NPAS2: variants seen among roughly 807,000 people sequenced by gnomAD.
The protein encoded by NPAS2 is neuronal PAS domain-containing protein 2.
Under a neutral mutation model 107.5 loss-of-function variants are expected in NPAS2, and 23 were observed. That is an observed-to-expected ratio of 0.21 (90% CI 0.15 to 0.30). NPAS2 has a LOEUF of 0.30. Among genes scored for constraint, NPAS2 ranks in the 10% least tolerant of loss-of-function variants. The pLI is 1.00. For synonymous variants in NPAS2, 403 were observed against 417.5 expected, an observed-to-expected ratio of 0.97 and a Z score of 0.42; for missense variants, 756 against 1,043.3, an observed-to-expected ratio of 0.72 and a Z score of 3.79.
intron 4 of NPAS2, among the ~76,000 whole-genome samples, chr2:100,933,719 G>A (rs13025524): frequency 0.29 from 43,570 of 152,126 alleles, 6,319 homozygotes; most frequent in Middle Eastern, 0.36. Context: ...AACTGCCAAC[G>A]TGCTGTGGCT....
chr2:100,929,768 G>T (rs1683820956), intron 3 of NPAS2, among the ~76,000 whole-genome samples: 1 of 152,156 alleles, frequency 6.6e-6, no homozygotes, highest in African/African-American at 2.4e-5. Flanking sequence ...GCATTTTTAA[G>T]GCCCCCAGGT....
At chr2:100,866,287 G>C (rs781773814) in intron 1 of NPAS2, among the ~76,000 whole-genome samples, 1 of 152,210 alleles carries the variant, frequency 6.6e-6, no homozygotes, top group Non-Finnish European at 1.5e-5. Context: ...GGCGACTCAT[G>C]AGTCATTTGT....
intron 1 of NPAS2, among the ~76,000 whole-genome samples, chr2:100,873,772 G>A (rs1679773607): frequency 2.0e-5 from 3 of 152,152 alleles, no homozygotes; most frequent in African/African-American, 4.8e-5. Flanking sequence ...CTGCACAGGT[G>A]TAATGGATGC....
intron 1 of NPAS2, among the ~76,000 whole-genome samples, chr2:100,828,923 T>G (rs1676554735): frequency 6.6e-6 from 1 of 152,202 alleles, no homozygotes; most frequent in Admixed American, 6.5e-5. Context: ...TTTTTTCTAG[T>G]TCTGTGAAAA....
chr2:100,964,456 C>T (rs1031120728), intron 8 of NPAS2, among the ~76,000 whole-genome samples: 4 of 152,252 alleles, frequency 2.6e-5, no homozygotes, highest in Non-Finnish European at 5.9e-5. Flanking sequence ...GGCGTTAATA[C>T]CATGCAGGCC....
At chr2:100,992,041 G>T (rs564718981) in intron 19 of NPAS2, among the ~76,000 whole-genome samples, 20 of 152,328 alleles carry the variant, frequency 1.3e-4, no homozygotes, top group South Asian at 2.1e-4. Context: ...GTAAAGTTCC[G>T]TTCATGTCTA....
At chr2:100,900,528 T>C (rs1283251192) in intron 1 of NPAS2, among the ~76,000 whole-genome samples, 1 of 152,190 alleles carries the variant, frequency 6.6e-6, no homozygotes, top group Non-Finnish European at 1.5e-5. Flanking sequence ...AAAGTAAGCA[T>C]ACAGCTACCC....
At position 100,996,227 on chromosome 2, in the gene NPAS2, T is replaced by A. The variant is rs117806467; in HGVS notation, c.*645T>A. On this transcript the variant is annotated 3_prime_UTR_variant, in exon 21 of 21. Transcript: ENST00000335681. ...TATTAACCAAGCTACAGATTCACAC[T>A]TTCTGGCCTAAACCCTAATGGGATG... The A allele has an allele frequency of 2.6e-3, 511 of 200,292 alleles. 14 individuals are homozygous for A. The East Asian group carries it at 0.03, about 12-fold the overall frequency. The allele number at this position is 200,292 out of a possible 1,614,324, so 12.4% of individuals were successfully genotyped here.
At position 100,927,240 on chromosome 2, in the gene NPAS2, G is replaced by T. The variant is rs192018035; in HGVS notation, c.181+1946G>T. 3.2e-3 allele frequency among the ~76,000 whole-genome samples: 487 copies of T among 152,136 alleles called. 1 individual carries two copies. Among genetic ancestry groups the T allele is most frequent in the Non-Finnish European group, 5.6e-3 (383 of 67,984 alleles). ...TGAGCCACCACGCCCAGCCTAAAAG[G>T]TTTATAATTTTAAACTGTAGGTTAA... On this transcript the variant is annotated intron_variant, in intron 3 of 20. Transcript: ENST00000335681.
chr2:100,824,310 C>G (rs189843181), intron 1 of NPAS2, among the ~76,000 whole-genome samples: 1 of 152,238 alleles, frequency 6.6e-6, no homozygotes, highest in Non-Finnish European at 1.5e-5. Context: ...GCATGCTTAT[C>G]TCCACCCTCT....
chr2:100,848,881 A>G (rs1677963734), intron 1 of NPAS2, among the ~76,000 whole-genome samples: 1 of 152,224 alleles, frequency 6.6e-6, no homozygotes, highest in Admixed American at 6.5e-5. Context: ...TTTGTCCCAA[A>G]TCGCCCTGAC....
At chr2:100,966,414 C>T (rs1676215624) in intron 10 of NPAS2, among the ~76,000 whole-genome samples, 1 of 152,076 alleles carries the variant, frequency 6.6e-6, no homozygotes, top group Non-Finnish European at 1.5e-5. Context: ...GAATTACAAG[C>T]TTGTCCGAGT....
In NPAS2 at chr2:100,976,738, T is replaced by C. The variant is rs938168531; in HGVS notation, c.1393-972T>C. ...TACTTTCTCTCCAGCCACCTCCAGATGCGCTTGCAAGCTGTGCCTGCCATT... is the reference window on the plus strand; with the variant it reads ...TACTTTCTCTCCAGCCACCTCCAGACGCGCTTGCAAGCTGTGCCTGCCATT... On this transcript the variant is annotated intron_variant, in intron 14 of 20. Transcript: ENST00000335681. This position sits in a 1 kb window ranked among gnomAD's most constrained non-coding sequence, Gnocchi z 4.1. The C allele has an allele frequency of 2.0e-5, 3 of 152,240 alleles. No homozygotes were observed. The highest frequency in any genetic ancestry group is 4.4e-5 in the Non-Finnish European group (3 of 68,094). The allele number at this position is 152,240 out of a possible 1,614,324, so 9.4% of individuals were successfully genotyped here. A position where few individuals can be genotyped will look rare whatever the true frequency, so the allele number is the denominator to read the frequency against.
At chr2:100,842,444 C>T (rs568355096) in intron 1 of NPAS2, among the ~76,000 whole-genome samples, 6 of 152,118 alleles carry the variant, frequency 3.9e-5, no homozygotes, top group Non-Finnish European at 7.3e-5. Context: ...TTTCCTTCGA[C>T]TGTCATCATC....
rs562918354 is a variant in NPAS2 at position 100,877,628 on chromosome 2, G to T, written c.-22-27105G>T. Among the ~76,000 whole-genome samples the T allele has an allele frequency of 1.2e-4, 18 of 152,246 alleles. No individual in the cohort carries two copies. In the East Asian group the frequency reaches 3.5e-3, roughly 29 times the overall value. On this transcript the variant is annotated intron_variant, in intron 1 of 20. Transcript: ENST00000335681. ...GTTTTCACGGGGGACCTTGTCACTT[G>T]AGAGTATCCTGTGAGTGTCATAGCA...
chr2:100,885,202 G>A (rs111306098), intron 1 of NPAS2, among the ~76,000 whole-genome samples: 30,864 of 152,070 alleles, frequency 0.2, 3,961 homozygotes, highest in Non-Finnish European at 0.28. Flanking sequence ...CGCCTGCCTC[G>A]GCCTCCCAAA....
Position 100,820,559 on chromosome 2 carries a change from G to A in NPAS2, c.-23+145G>A, listed in dbSNP as rs749667558. 1 of 152,520 alleles carries A rather than the reference G, an allele frequency of 6.6e-6. No homozygotes were observed. The allele number at this position is 152,520 out of a possible 1,614,324, so 9.4% of individuals were successfully genotyped here. A position where few individuals can be genotyped will look rare whatever the true frequency, so the allele number is the denominator to read the frequency against. On this transcript the variant is annotated intron_variant, in intron 1 of 20. Coordinates refer to ENST00000335681, the MANE Select transcript of NPAS2 (RefSeq NM_002518.4). The surrounding 1 kb of genome is among the most constrained non-coding windows in gnomAD (Gnocchi z 5.6). ...AGGCGCGAGGCTGCGCGGCACCGGG[G>A]ACCCCGGACGCGGGGGCGCGGAGAG...
intron 3 of NPAS2, among the ~76,000 whole-genome samples, chr2:100,930,399 G>A (rs1350020899): frequency 6.6e-6 from 1 of 152,188 alleles, no homozygotes; most frequent in Non-Finnish European, 1.5e-5. Context: ...TTATTATTCA[G>A]ATATACCAGG....
chr2:100,963,278 A>G (rs372950814), intron 7 of NPAS2, among the ~76,000 whole-genome samples: 1 of 152,246 alleles, frequency 6.6e-6, no homozygotes, highest in African/African-American at 2.4e-5. Context: ...AGACACCCCT[A>G]CTTTCCCTGG....
Sources: gnomAD v4.1 joint callset for allele counts (sites outside exome capture counted in the v4.1 genomes callset) on GRCh38, gnomAD v4.1.1 for gene constraint, Gnocchi (gnomAD v3.1) non-coding constraint, MANE v1.5 for transcripts, NCBI Gene and HGNC (gene_info 2026-07-23, HGNC 2026-07-21) for gene names.